Variants in ZNF675 observed in about 807,000 individuals in gnomAD.
ZNF675 encodes zinc finger protein 675.
A neutral mutation model predicts 56.1 loss-of-function variants in ZNF675; 36 were observed. The observed-to-expected ratio is 0.64, with a 90% CI of 0.49 to 0.85. The LOEUF (loss-of-function observed/expected upper bound fraction) is 0.85, where lower values mean the gene tolerates loss of function less well. ZNF675 is among the 40% of genes least tolerant of loss of function. ZNF675 has a pLI of 0.00. For synonymous variants in ZNF675, 200 were observed against 218.9 expected (o/e 0.91, Z 0.76); for missense variants, 663 against 654.2 (o/e 1.01, Z -0.15).
intron 1 of ZNF675, among the ~76,000 whole-genome samples, chr19:23,667,163 T>C (rs1387102785): frequency 6.6e-6 from 1 of 151,848 alleles, no homozygotes; most frequent in Non-Finnish European, 1.5e-5. Context: ...CGGTGAGTGT[T>C]ACAGCTCTTA....
At chr19:23,683,532 C>T (rs1968404279) in intron 1 of ZNF675, among the ~76,000 whole-genome samples, 1 of 152,130 alleles carries the variant, frequency 6.6e-6, no homozygotes, top group Non-Finnish European at 1.5e-5. Flanking sequence ...AGCGATTCTC[C>T]TGCCTCAGCC....
At chr19:23,674,632 A>T (rs1968272905) in intron 1 of ZNF675, among the ~76,000 whole-genome samples, 1 of 137,312 alleles carries the variant, frequency 7.3e-6, no homozygotes, top group Non-Finnish European at 1.6e-5. Flanking sequence ...AAAAAAAAGG[A>T]GAGAGATAAG....
rs147033023 is a variant in ZNF675, at chr19:23,654,007, T to C, written c.926A>G (p.Glu309Gly). The change falls in exon 4 of 4, where the codon GAG (glutamate) becomes GGG (glycine). Residue 309 changes from glutamate (E) to glycine (G), a missense_variant. Physicochemically the swap from Glu to Gly is moderately conservative, Grantham distance 98. Transcript: ENST00000359788. ...ACATTCTTCACATATGTAGGGTTGC[T>C]CTCCAGTATGAATTTTTTTATGTGT... ...LTTHKKIHTG[E>G]QPYICEECGK... 386 of 1,613,932 alleles carry C rather than the reference T, an allele frequency of 2.4e-4. No individual in the cohort carries two copies. Among genetic ancestry groups the C allele is most frequent in the Non-Finnish European group, 3.1e-4 (363 of 1,179,988 alleles).
chr19:23,654,644 T>C lies in ZNF675; in HGVS notation c.289A>G (p.Lys97Glu), dbSNP rs1158998291. The C allele has an allele frequency of 6.3e-7, 1 of 1,597,800 alleles. No homozygotes were observed. The highest frequency in any genetic ancestry group is 8.5e-7 in the Non-Finnish European group (1 of 1,174,258). ...PEQNIKDSFE[K>E]VTLRRYEKCG... ...TTTTCATATCTTCTCAGTGTCACTT[T>C]TTCAAAAGAATCTTTTATGTTCTGC... is the stretch of plus-strand genomic sequence containing the variant. Residue 97 changes from lysine to glutamate, a missense_variant, in exon 4 of 4, where the codon AAA becomes GAA. Transcript: ENST00000359788.
chr19:23,672,735 G>A (rs77503545), intron 1 of ZNF675, among the ~76,000 whole-genome samples: 235 of 152,278 alleles, frequency 1.5e-3, no homozygotes, highest in African/African-American at 5.5e-3. Context: ...AAAAGTTGAG[G>A]CAACATAAAT....
intron 3 of ZNF675, chr19:23,658,741 T>G (rs1163964696): frequency 7.5e-5 from 2 of 26,816 alleles, no homozygotes; most frequent in African/African-American, 2.5e-4. Context: ...ACAAAACTGC[T>G]GTAATCCAAC....
rs149191219 is a variant in ZNF675 at position 23,666,961 on chromosome 19, G to A, written c.4-3803C>T. 4.6e-5 allele frequency among the ~76,000 whole-genome samples: 7 copies of A among 152,276 alleles called. No homozygotes were observed. The East Asian group carries it at 1.2e-3, about 25-fold the overall frequency. On this transcript the variant is annotated intron_variant, in intron 1 of 3. Coordinates refer to ENST00000359788, the MANE Select transcript of ZNF675 (RefSeq NM_138330.3). ...TTGTTTTTGTCCTTTTTCTGAGACTGTGTCCGGAATTGGTGGGTTCTTGGT... is the reference window on the plus strand; with the variant it reads ...TTGTTTTTGTCCTTTTTCTGAGACTATGTCCGGAATTGGTGGGTTCTTGGT...
rs1968271128 is a variant in ZNF675, at chr19:23,674,567, C to T, written c.4-11409G>A. Among the ~76,000 whole-genome samples, 3 of 149,302 alleles carry T rather than the reference C, an allele frequency of 2.0e-5. No homozygotes were observed. In the South Asian group the frequency reaches 6.3e-4, roughly 31 times the overall value. On this transcript the variant is annotated intron_variant, in intron 1 of 3. Coordinates refer to ENST00000359788, the MANE Select transcript of ZNF675 (RefSeq NM_138330.3). The stretch of plus-strand genomic sequence containing the variant: ...CTGAGGCAGGAGAATCACTTGAACC[C>T]AGGAGACGGAGGTTGCAGTGAGCCT...
chr19:23,686,765 G>A (rs1237548050), intron 1 of ZNF675, among the ~76,000 whole-genome samples: 1 of 152,196 alleles, frequency 6.6e-6, no homozygotes, highest in Non-Finnish European at 1.5e-5. Flanking sequence ...TGAGAGAAAT[G>A]CGGCGCTGCG....
At chr19:23,659,044 T>C (rs1968042126) in intron 3 of ZNF675, among the ~76,000 whole-genome samples, 1 of 149,582 alleles carries the variant, frequency 6.7e-6, no homozygotes, top group South Asian at 2.1e-4. Flanking sequence ...TATTGCAGAA[T>C]ATGGTTAGAG....
chr19:23,668,664 C>T (rs1175798933), intron 1 of ZNF675, among the ~76,000 whole-genome samples: 5 of 152,202 alleles, frequency 3.3e-5, no homozygotes, highest in Non-Finnish European at 5.9e-5. Flanking sequence ...AGTCCCGAGG[C>T]CTGCCCCGCG....
At position 23,668,532 on chromosome 19, in the gene ZNF675, C is replaced by G. The variant is rs899155417; in HGVS notation, c.4-5374G>C. Among the ~76,000 whole-genome samples the G allele has an allele frequency of 9.2e-5, 14 of 152,350 alleles. 1 individual carries two copies. Among genetic ancestry groups the G allele is most frequent in the Admixed American group, 5.9e-4 (9 of 15,312 alleles). ...CAGTCCTGCGCCATGCGCTCACACT[C>G]CTCAGCCCTTGGGCGGTCGATGGGA... On this transcript the variant is annotated intron_variant, in intron 1 of 3. Coordinates refer to ENST00000359788, the MANE Select transcript of ZNF675 (RefSeq NM_138330.3).
At chr19:23,663,272 G>T in intron 1 of ZNF675, 114 bp from the exon 2 acceptor site, 1 of 1,261,152 alleles carries the variant, frequency 7.9e-7, no homozygotes, top group South Asian at 1.4e-5. Flanking sequence ...AGGAGTGACT[G>T]AAATTATCCA....
At chr19:23,683,793 C>T (rs1359272328) in intron 1 of ZNF675, among the ~76,000 whole-genome samples, 1 of 152,044 alleles carries the variant, frequency 6.6e-6, no homozygotes, top group African/African-American at 2.4e-5. Flanking sequence ...GCCATAAACA[C>T]AACTGACAAA....
At chr19:23,660,433 G>A (rs1023773604) in intron 3 of ZNF675, among the ~76,000 whole-genome samples, 1 of 152,152 alleles carries the variant, frequency 6.6e-6, no homozygotes, top group Non-Finnish European at 1.5e-5. Flanking sequence ...AGACACATAA[G>A]TAAAAAGTTG....
intron 1 of ZNF675, among the ~76,000 whole-genome samples, chr19:23,678,484 C>T (rs969619217): frequency 4.1e-5 from 6 of 147,738 alleles, no homozygotes; most frequent in South Asian, 2.1e-4. Flanking sequence ...CCCCTGACCT[C>T]GAGTGCTCCA....
Position 23,654,454 on chromosome 19 carries a change from T to G in ZNF675, c.479A>C (p.Asp160Ala). ...VKVFNKFSHS[D>A]RHKIKHMENK... ...TTCCATATGTTTTATCTTATGTCTA[T>G]CTGAATGTGAAAATTTATTAAAGAC... Residue 160 changes from aspartate (D) to alanine (A), a missense_variant, in exon 4 of 4, where the codon GAT becomes GCT. By Grantham distance (126) the Asp-to-Ala change is moderately radical. Coordinates refer to ENST00000359788, the MANE Select transcript of ZNF675 (RefSeq NM_138330.3). The G allele has an allele frequency of 6.2e-7, 1 of 1,603,062 alleles. No homozygotes were observed. Among genetic ancestry groups the G allele is most frequent in the Non-Finnish European group, 8.5e-7 (1 of 1,176,028 alleles).
intron 1 of ZNF675, among the ~76,000 whole-genome samples, chr19:23,678,870 A>G (rs1188562054): frequency 6.6e-6 from 1 of 151,642 alleles, no homozygotes; most frequent in African/African-American, 2.4e-5. Flanking sequence ...TTTTAATGTA[A>G]ACATTTAAAT....
rs951971820 is a variant in ZNF675 at position 23,680,711 on chromosome 19, G to A, written c.3+6320C>T. ...GGAGGTGGCAGTTAGCTGAGATCGTGCCACTGCACTCCAGCCTGGGCAACA... is the reference window on the plus strand; with the variant it reads ...GGAGGTGGCAGTTAGCTGAGATCGTACCACTGCACTCCAGCCTGGGCAACA... On this transcript the variant is annotated intron_variant, in intron 1 of 3. Transcript: ENST00000359788. Among the ~76,000 whole-genome samples, 7 of 151,216 alleles carry A rather than the reference G, an allele frequency of 4.6e-5. 1 individual carries two copies. Among genetic ancestry groups the A allele is most frequent in the African/African-American group, 1.7e-4 (7 of 40,808 alleles).
Sources: allele counts gnomAD v4.1 joint callset (sites outside exome capture counted in the v4.1 genomes callset), GRCh38; gene constraint gnomAD v4.1.1; transcripts MANE v1.5; gene names NCBI Gene and HGNC (gene_info 2026-07-23, HGNC 2026-07-21).